Variants in ZNF589 observed in about 807,000 individuals in gnomAD.
ZNF589 encodes KRAB-zinc finger protein SZF1-1.
Under a neutral mutation model 13.6 loss-of-function variants are expected in ZNF589, and 17 were observed. The observed-to-expected ratio is 1.25, with a 90% CI of 0.86 to 1.88. The LOEUF is 1.88. ZNF589 is among the 40% of genes most tolerant of loss of function. ZNF589 has a pLI of 0.00. For synonymous variants in ZNF589, 148 were observed against 161.6 expected (o/e 0.92, Z 0.64); for missense variants, 407 against 434.0 (o/e 0.94, Z 0.55).
At chr3:48,262,813 G>A (rs1336168766) in intron 3 of ZNF589, among the ~76,000 whole-genome samples, 6 of 151,964 alleles carry the variant, frequency 3.9e-5, no homozygotes, top group Non-Finnish European at 8.8e-5. Flanking sequence ...TGTAAATCAA[G>A]AGAAAATAGT....
intron 1 of ZNF589, among the ~76,000 whole-genome samples, chr3:48,247,328 G>A (rs1329809023): frequency 2.6e-5 from 4 of 151,874 alleles, no homozygotes; most frequent in Non-Finnish European, 4.4e-5. Flanking sequence ...CACATGGGGG[G>A]AAATGATGCC....
At chr3:48,241,557 A>T (rs1232054556) in intron 1 of ZNF589, among the ~76,000 whole-genome samples, 6 of 152,206 alleles carry the variant, frequency 3.9e-5, no homozygotes, top group Non-Finnish European at 8.8e-5. Context: ...TTTGAGACGG[A>T]GTCTCGCTCT....
Position 48,270,324 on chromosome 3 carries a change from A to G in ZNF589, c.*1538A>G, listed in dbSNP as rs889744880. On this transcript the variant is annotated 3_prime_UTR_variant, in exon 4 of 4. Coordinates refer to ENST00000354698, the MANE Select transcript of ZNF589 (RefSeq NM_016089.3). The stretch of plus-strand genomic sequence containing the variant: ...TCAGACTCAGGACTTAAACATAGCC[A>G]CGCCACCTTGGCCTTCAATGACAGG... The G allele has an allele frequency of 2.6e-5, 11 of 428,922 alleles. No homozygotes were observed. Among genetic ancestry groups the G allele is most frequent in the Non-Finnish European group, 4.7e-5 (10 of 212,832 alleles). 26.6% of individuals were successfully genotyped at this position (428,922 alleles called of 1,614,324 possible). A position where few individuals can be genotyped will look rare whatever the true frequency, so the allele number is the denominator to read the frequency against.
rs2034046476 is a variant in ZNF589, at chr3:48,268,426, G to T, written c.735G>T (p.Arg245Ser). The T allele has an allele frequency of 4.3e-6, 7 of 1,614,216 alleles. No homozygotes were observed. Among genetic ancestry groups the T allele is most frequent in the Non-Finnish European group, 5.9e-6 (7 of 1,180,046 alleles). ...AVTAEKSSDKRQSQVCRECGR... is the reference protein window; with the variant it reads ...AVTAEKSSDKSQSQVCRECGR... ...CAGCAGAAAAATCTTCAGACAAAAGGCAGTCACAGGTGTGCAGGGAGTGTG... is the reference window on the plus strand; with the variant it reads ...CAGCAGAAAAATCTTCAGACAAAAGTCAGTCACAGGTGTGCAGGGAGTGTG... Residue 245 changes from arginine to serine, a missense_variant, in exon 4 of 4, where the codon AGG becomes AGT. Arg to Ser is a moderately radical substitution (Grantham distance 110). Coordinates refer to ENST00000354698, the MANE Select transcript of ZNF589 (RefSeq NM_016089.3).
At chr3:48,261,824 A>G (rs1214243891) in intron 3 of ZNF589, among the ~76,000 whole-genome samples, 1 of 152,160 alleles carries the variant, frequency 6.6e-6, no homozygotes, top group Non-Finnish European at 1.5e-5. Context: ...TTTCAATCCT[A>G]GTTGCCTATT....
At chr3:48,250,306 CTTT>C (rs34016179) in intron 2 of ZNF589, among the ~76,000 whole-genome samples, 5 of 116,826 alleles carry the variant, frequency 4.3e-5, no homozygotes, top group Admixed American at 9.3e-5. Flanking sequence ...TCTCTACTTT[CTTT>C]TTTTTTTTTT....
rs993288727 is a variant in ZNF589 at position 48,267,827 on chromosome 3, A to G, written c.224-88A>G. On this transcript the variant is annotated intron_variant, in intron 3 of 3. Transcript: ENST00000354698. ...GGGGAGAAAGACTTTAATCATTGAG[A>G]ATGATTAATGGGCCAGGTCTTATCA... is the stretch of plus-strand genomic sequence containing the variant. The G allele has an allele frequency of 5.2e-6, 7 of 1,353,798 alleles. No homozygotes were observed. In the African/African-American group the frequency reaches 1.0e-4, roughly 20 times the overall value. 83.9% of individuals were successfully genotyped at this position (1,353,798 alleles called of 1,614,324 possible).
chr3:48,241,355 C>T (rs1283799156), intron 1 of ZNF589, 141 bp downstream of exon 1: 12 of 1,078,442 alleles, frequency 1.1e-5, no homozygotes, highest in Non-Finnish European at 1.3e-5. Context: ...GGCTCTTACT[C>T]CCCTGGGGGG....
chr3:48,246,181 G>A (rs28459072), intron 1 of ZNF589, among the ~76,000 whole-genome samples: 1 of 151,996 alleles, frequency 6.6e-6, no homozygotes, highest in Non-Finnish European at 1.5e-5. Context: ...GGGCATGGTG[G>A]TGCATGCCTG....
At chr3:48,250,369 C>T (rs930002648) in intron 2 of ZNF589, among the ~76,000 whole-genome samples, 4 of 143,016 alleles carry the variant, frequency 2.8e-5, no homozygotes, top group Non-Finnish European at 4.5e-5. Context: ...CCAGGCTGGT[C>T]TCAAACTCCT....
intron 1 of ZNF589, 57 bp downstream of exon 1, chr3:48,241,271 C>G: frequency 1.3e-6 from 2 of 1,593,712 alleles, no homozygotes; most frequent in Non-Finnish European, 1.7e-6. Flanking sequence ...GCAGGCGCCG[C>G]GCAGGCGTCG....
chr3:48,251,356 C>T (rs1423304282), intron 2 of ZNF589, among the ~76,000 whole-genome samples: 2 of 151,418 alleles, frequency 1.3e-5, no homozygotes, highest in Non-Finnish European at 2.9e-5. Context: ...GAGATCACAC[C>T]ACTGCACTCT....
chr3:48,245,170 T>C (rs189808461), intron 1 of ZNF589, among the ~76,000 whole-genome samples: 28 of 152,234 alleles, frequency 1.8e-4, no homozygotes, highest in Middle Eastern at 3.4e-3. Context: ...TGGAGTATAA[T>C]GGTGTGATCT....
In ZNF589 at chr3:48,270,671, G is replaced by T. The variant is rs904096884; in HGVS notation, c.*1885G>T. ...CTATTTGCTAAGGGACTCTGCCACA[G>T]AAAAGAAGGGGAGAGATGTTCATGT... is the stretch of plus-strand genomic sequence containing the variant. On this transcript the variant is annotated 3_prime_UTR_variant, in exon 4 of 4. Transcript: ENST00000354698. The T allele has an allele frequency of 2.3e-4, 43 of 184,266 alleles. No homozygotes were observed. Among genetic ancestry groups the T allele is most frequent in the African/African-American group, 9.4e-4 (40 of 42,520 alleles). The allele number at this position is 184,266 out of a possible 1,614,324, so 11.4% of individuals were successfully genotyped here.
At chr3:48,243,097 A>G (rs958780643) in intron 1 of ZNF589, among the ~76,000 whole-genome samples, 5 of 151,892 alleles carry the variant, frequency 3.3e-5, no homozygotes, top group African/African-American at 7.3e-5. Flanking sequence ...TGAATTTCAT[A>G]TATAATTTTC....
chr3:48,261,030 TATCAG>T, intron 3 of ZNF589, 91 bp downstream of exon 3: 1 of 1,359,920 alleles, frequency 7.4e-7, no homozygotes, highest in African/African-American at 1.4e-5. Flanking sequence ...TCTTAGAACA[TATCAG>T]TGAATAGAAT....
chr3:48,242,151 G>A (rs753235523), intron 1 of ZNF589, among the ~76,000 whole-genome samples: 4 of 151,284 alleles, frequency 2.6e-5, no homozygotes, highest in Non-Finnish European at 4.4e-5. Context: ...TTGCTCTGTA[G>A]CCCAGGCTGG....
At chr3:48,266,315 A>T (rs543624754) in intron 3 of ZNF589, among the ~76,000 whole-genome samples, 1 of 152,220 alleles carries the variant, frequency 6.6e-6, no homozygotes, top group African/African-American at 2.4e-5. Context: ...CAAAGCTGCC[A>T]TCCAGACATC....
intron 2 of ZNF589, among the ~76,000 whole-genome samples, chr3:48,259,414 CTG>C (rs1388898487): frequency 6.6e-6 from 1 of 152,184 alleles, no homozygotes; most frequent in African/African-American, 2.4e-5. Flanking sequence ...TAGCCTTGCA[CTG>C]TGTTTCCTTC....
Sources: gnomAD v4.1 joint callset for allele counts (sites outside exome capture counted in the v4.1 genomes callset) on GRCh38, gnomAD v4.1.1 for gene constraint, MANE v1.5 for transcripts, NCBI Gene and HGNC (gene_info 2026-07-23, HGNC 2026-07-21) for gene names.